TBC1D1: variants seen among roughly 807,000 people sequenced by gnomAD.
TBC1D1 encodes the protein TBC1 domain family member 1.
TBC1D1 carries 89 observed loss-of-function variants against 125.6 expected under a neutral mutation model. The observed-to-expected ratio is 0.71, with a 90% confidence interval of 0.60 to 0.85. TBC1D1 has a LOEUF of 0.85. Among genes scored for constraint, TBC1D1 ranks in the 40% least tolerant of loss-of-function variants. The pLI is 0.00. For missense variants in TBC1D1, 1,377 were observed against 1,469.2 expected (o/e 0.94, Z 1.03); for synonymous variants, 565 against 564.1 (o/e 1.00, Z -0.02).
intron 7 of TBC1D1, among the ~76,000 whole-genome samples, chr4:38,031,839 A>G (rs989042523): frequency 2.6e-5 from 4 of 152,254 alleles, no homozygotes; most frequent in African/African-American, 7.2e-5. Flanking sequence ...TAAGCCTCTT[A>G]TAGGTTAAGA....
chr4:37,982,583 C>A lies in TBC1D1; in HGVS notation c.418-31926C>A, dbSNP rs990247132. On this transcript the variant is annotated intron_variant, in intron 2 of 19. Transcript: ENST00000261439. ...GCAGCTGTGTTTTGGGCTTTGGGAA[C>A]TCTAGTTGCTTAGAGTGTGCCAGGA... Among the ~76,000 whole-genome samples the A allele has an allele frequency of 2.6e-5, 4 of 152,122 alleles. No homozygotes were observed. The South Asian group carries it at 8.3e-4, about 32-fold the overall frequency.
intron 12 of TBC1D1, among the ~76,000 whole-genome samples, chr4:38,081,243 G>A (rs993878235): frequency 5.3e-5 from 8 of 152,114 alleles, no homozygotes; most frequent in Admixed American, 2.6e-4. Flanking sequence ...TGCTCAGGGC[G>A]CCATGGTGCT....
chr4:38,099,862 T>G lies in TBC1D1; in HGVS notation c.2399-3137T>G, dbSNP rs1760002384. ...AAATCACAGAATCTAAGCTTACTCC[T>G]GAATACCACAATATCTGGTACTGTC... On this transcript the variant is annotated intron_variant, in intron 14 of 19. Transcript: ENST00000261439. Among the ~76,000 whole-genome samples the G allele has an allele frequency of 2.6e-5, 4 of 152,212 alleles. No individual in the cohort carries two copies. The South Asian group carries it at 8.3e-4, about 32-fold the overall frequency.
At chr4:37,945,514 A>G (rs1480751999) in intron 2 of TBC1D1, among the ~76,000 whole-genome samples, 6 of 47,082 alleles carry the variant, frequency 1.3e-4, no homozygotes, top group African/African-American at 4.6e-4. Flanking sequence ...CTCCACCTCA[A>G]AAAAAAAAAA....
intron 2 of TBC1D1, among the ~76,000 whole-genome samples, chr4:37,918,608 T>C (rs981134920): frequency 3.3e-5 from 5 of 152,136 alleles, no homozygotes; most frequent in African/African-American, 4.8e-5. Flanking sequence ...CCACCACGCC[T>C]GGCTAATTTT....
intron 2 of TBC1D1, among the ~76,000 whole-genome samples, chr4:37,966,700 G>T (rs1041002388): frequency 2.0e-5 from 3 of 152,066 alleles, no homozygotes; most frequent in Non-Finnish European, 4.4e-5. Context: ...GATACATAGG[G>T]TTTGCTGCAC....
chr4:37,906,568 A>G lies in TBC1D1; in HGVS notation c.417+4056A>G, dbSNP rs59871131. ...ATTCTTCCACCCAAACTTCACCATA[A>G]GTTTGATGTTTCTTCTTGCTTTGAT... is the stretch of plus-strand genomic sequence containing the variant. On this transcript the variant is annotated intron_variant, in intron 2 of 19. Coordinates refer to ENST00000261439, the MANE Select transcript of TBC1D1 (RefSeq NM_015173.4). 4.7e-3 allele frequency among the ~76,000 whole-genome samples: 721 copies of G among 152,230 alleles called. 8 individuals carry two copies. The highest frequency in any genetic ancestry group is 0.045 in the East Asian group (235 of 5,190).
intron 2 of TBC1D1, among the ~76,000 whole-genome samples, chr4:37,986,800 A>T (rs1735562334): frequency 6.7e-6 from 1 of 149,454 alleles, no homozygotes; most frequent in African/African-American, 2.4e-5. Flanking sequence ...CCTGCAGGGA[A>T]ATGAGCAAGG....
intron 2 of TBC1D1, among the ~76,000 whole-genome samples, chr4:37,904,874 C>G (rs966780040): frequency 6.6e-6 from 1 of 152,230 alleles, no homozygotes. Flanking sequence ...GTTCTTGGGA[C>G]ACCAATGTCA....
chr4:37,961,272 T>G (rs189408975), intron 2 of TBC1D1: 484 of 579,270 alleles, frequency 8.4e-4, no homozygotes, highest in African/African-American at 7.9e-3. Flanking sequence ...TAGCAAAGGA[T>G]AAAGGAGAAA....
chr4:38,131,445 G>A (rs1410689431), intron 18 of TBC1D1, among the ~76,000 whole-genome samples: 1 of 152,194 alleles, frequency 6.6e-6, no homozygotes, highest in African/African-American at 2.4e-5. Context: ...TGATGGTTTT[G>A]CTGAGGTTGA....
In TBC1D1 at chr4:38,044,355, T is replaced by G. The variant is rs748421621; in HGVS notation, c.1414-7T>G. The G allele has an allele frequency of 6.3e-7, 1 of 1,594,828 alleles. No individual in the cohort carries two copies. Among genetic ancestry groups the G allele is most frequent in the Non-Finnish European group, 8.5e-7 (1 of 1,175,110 alleles). On this transcript the variant is annotated splice_region_variant and splice_polypyrimidine_tract_variant and intron_variant, in intron 8 of 19. Transcript: ENST00000261439. ...GATAAATGACTTTTCGTTTTTCACT[T>G]TTTTAGACATCGCAGATGGCAGCAG...
At chr4:37,999,375 T>C (rs1222900450) in intron 2 of TBC1D1, among the ~76,000 whole-genome samples, 1 of 152,214 alleles carries the variant, frequency 6.6e-6, no homozygotes, top group African/African-American at 2.4e-5. Flanking sequence ...ATATATTTAA[T>C]CGAAGTGAAT....
At chr4:37,921,352 C>T (rs189750257) in intron 2 of TBC1D1, among the ~76,000 whole-genome samples, 1 of 150,426 alleles carries the variant, frequency 6.6e-6, no homozygotes, top group African/African-American at 2.4e-5. Flanking sequence ...AAAACATAAA[C>T]ATATATGTTT....
chr4:38,077,056 C>T (rs1301076870), intron 12 of TBC1D1, among the ~76,000 whole-genome samples: 1 of 152,210 alleles, frequency 6.6e-6, no homozygotes, highest in Non-Finnish European at 1.5e-5. Flanking sequence ...CCTTCTACCT[C>T]TTAGGATGGT....
rs1759271720 is a variant in TBC1D1, at chr4:38,096,055, T to C, written c.2363T>C (p.Phe788Ser). 6.2e-7 allele frequency: 1 copy of C among 1,613,716 alleles called. No individual in the cohort carries two copies. ...ACTCCAGGAAGATCAAAAATTAAGT[T>C]TGACATGGAAAAAATGCACTCGGCT... Residue 788 changes from phenylalanine to serine, a missense_variant, in exon 14 of 20, where the codon TTT becomes TCT. Physicochemically the swap from Phe to Ser is radical, Grantham distance 155 (BLOSUM62 -2). Around this residue, in one of 3 missense-constraint regions of TBC1D1, gnomAD observed 543 missense variants for 613.5 expected, o/e 0.89. Transcript: ENST00000261439.
chr4:38,043,862 C>T (rs924511780), intron 8 of TBC1D1, among the ~76,000 whole-genome samples: 78 of 152,154 alleles, frequency 5.1e-4, no homozygotes, highest in African/African-American at 1.8e-3. Flanking sequence ...TGTTGTCTCA[C>T]CTTCTGAAAT....
rs571366744 is a variant in TBC1D1, at chr4:37,998,973, A to G, written c.418-15536A>G. Reference sequence around the variant, plus strand: ...GAAAGTGAAGGCTTTTCCACTGGGCACGGTGGCTCTCGCCTGTAATCCCAG... The same window carrying G: ...GAAAGTGAAGGCTTTTCCACTGGGCGCGGTGGCTCTCGCCTGTAATCCCAG... On this transcript the variant is annotated intron_variant, in intron 2 of 19. Coordinates refer to ENST00000261439, the MANE Select transcript of TBC1D1 (RefSeq NM_015173.4). Among the ~76,000 whole-genome samples, 8 of 151,166 alleles carry G rather than the reference A, an allele frequency of 5.3e-5. No individual in the cohort carries two copies. The South Asian group carries it at 1.0e-3, about 20-fold the overall frequency.
intron 2 of TBC1D1, among the ~76,000 whole-genome samples, chr4:38,013,536 A>G (rs1049400490): frequency 6.6e-6 from 1 of 152,200 alleles, no homozygotes; most frequent in Non-Finnish European, 1.5e-5. Flanking sequence ...TGAAGATTAA[A>G]TTTATGCCTG....
Sources: allele counts gnomAD v4.1 joint callset (sites outside exome capture counted in the v4.1 genomes callset), GRCh38; gene constraint gnomAD v4.1.1; regional missense constraint gnomAD v4.1.1; transcripts MANE v1.5; gene names NCBI Gene and HGNC (gene_info 2026-07-23, HGNC 2026-07-21).